Variants in ZMIZ1 observed in about 807,000 individuals in gnomAD.
ZMIZ1 encodes the protein zinc finger MIZ-type containing 1.
A neutral mutation model predicts 113.9 loss-of-function variants in ZMIZ1; 17 were observed. The observed-to-expected ratio is 0.15, with a 90% CI of 0.10 to 0.22. The LOEUF is 0.22. Ranked by LOEUF, ZMIZ1 falls within the 10% of genes least tolerant of loss-of-function variation. ZMIZ1 has a pLI of 1.00. For synonymous variants in ZMIZ1, 607 were observed against 603.1 expected (o/e 1.01, Z -0.09); for missense variants, 1,059 against 1,477.8 (o/e 0.72, Z 4.65).
intron 2 of ZMIZ1, 96 bp downstream of exon 2, chr10:79,119,120 G>A (rs1020698751): frequency 2.0e-5 from 3 of 152,264 alleles, no homozygotes; most frequent in African/African-American, 7.2e-5. Context: ...GCTGTTTCAG[G>A]GGCCCAGAGG....
chr10:79,286,273 CT>C (rs147123010), intron 8 of ZMIZ1, among the ~76,000 whole-genome samples: 217 of 152,368 alleles, frequency 1.4e-3, no homozygotes, highest in African/African-American at 5.0e-3. Flanking sequence ...CAGGGGTCTG[CT>C]TGGTCCTTCA....
At chr10:79,169,879 C>T (rs1846528173) in intron 4 of ZMIZ1, among the ~76,000 whole-genome samples, 1 of 152,242 alleles carries the variant, frequency 6.6e-6, no homozygotes, top group African/African-American at 2.4e-5. Flanking sequence ...AGATACCTCC[C>T]ACCCCTCAAA....
rs1849065437 is a variant in ZMIZ1 at position 79,223,337 on chromosome 10, ATGCCAGCCGCCT to A, written c.280+7064_280+7075del. Among the ~76,000 whole-genome samples the A allele has an allele frequency of 7.9e-5, 12 of 152,354 alleles. No homozygotes were observed. In the South Asian group the frequency reaches 2.5e-3, roughly 32 times the overall value. On this transcript the variant is annotated intron_variant, in intron 7 of 24. Transcript: ENST00000334512. ...AGGCAGGCAGGCCCTTGCCCTTGAA[ATGCCAGCCGCCT>A]GGCAGGCTGGGGCACCTTTTCAAGG...
intron 7 of ZMIZ1, among the ~76,000 whole-genome samples, chr10:79,261,347 C>G (rs1851257162): frequency 6.6e-6 from 1 of 152,202 alleles, no homozygotes; most frequent in African/African-American, 2.4e-5. Flanking sequence ...TTCATGGCCT[C>G]CATCAGAGGC....
At position 79,275,736 on chromosome 10, in the gene ZMIZ1, A is replaced by G. The variant is rs75995499; in HGVS notation, c.281-1445A>G. ...ACCTTCTGGTCCAGCCTCAGGCTCT[A>G]CCACCAGGGCATGGGGCCAGGAGCA... On this transcript the variant is annotated intron_variant, in intron 7 of 24. Coordinates refer to ENST00000334512, the MANE Select transcript of ZMIZ1 (RefSeq NM_020338.4). Among the ~76,000 whole-genome samples, 729 of 152,322 alleles carry G rather than the reference A, an allele frequency of 4.8e-3. 7 individuals are homozygous for G. The highest frequency in any genetic ancestry group is 0.017 in the African/African-American group (702 of 41,566).
At chr10:79,071,483 C>A (rs1175114255) in intron 1 of ZMIZ1, among the ~76,000 whole-genome samples, 2 of 152,196 alleles carry the variant, frequency 1.3e-5, no homozygotes, top group South Asian at 4.1e-4. Context: ...CGTTCGCTGG[C>A]GCTTGTACGG....
chr10:79,117,696 C>T (rs1022646652), intron 1 of ZMIZ1, among the ~76,000 whole-genome samples: 1 of 152,176 alleles, frequency 6.6e-6, no homozygotes, highest in South Asian at 2.1e-4. Flanking sequence ...AACTATTCTT[C>T]CAAGTGGTGG....
chr10:79,289,729 C>T (rs1853339351), intron 8 of ZMIZ1, 46 bp from the exon 9 acceptor site: 1 of 1,561,396 alleles, frequency 6.4e-7, no homozygotes, highest in Non-Finnish European at 8.8e-7. Context: ...TGTCTTGAGT[C>T]TGTGCCTGCC....
At chr10:79,121,741 T>TA (rs1844300109) in intron 2 of ZMIZ1, among the ~76,000 whole-genome samples, 1 of 152,050 alleles carries the variant, frequency 6.6e-6, no homozygotes, top group Non-Finnish European at 1.5e-5. Flanking sequence ...TAGGTACCAC[T>TA]ATGGAAGGAA....
intron 3 of ZMIZ1, among the ~76,000 whole-genome samples, chr10:79,149,519 G>A (rs964952898): frequency 6.6e-6 from 1 of 152,230 alleles, no homozygotes; most frequent in Non-Finnish European, 1.5e-5. Context: ...TGGAGGCCAT[G>A]GGTAGCCTTG....
chr10:79,282,718 G>A (rs1250573), intron 8 of ZMIZ1, among the ~76,000 whole-genome samples: 35,990 of 152,200 alleles, frequency 0.24, 5,291 homozygotes, highest in East Asian at 0.38. Context: ...GGGTCAGGCT[G>A]CCATAGCCCC....
At chr10:79,239,499 C>T (rs998337160) in intron 7 of ZMIZ1, among the ~76,000 whole-genome samples, 1 of 152,202 alleles carries the variant, frequency 6.6e-6, no homozygotes, top group East Asian at 1.9e-4. Flanking sequence ...GTGACATCTC[C>T]GAGTCATAGG....
chr10:79,111,389 CAG>C (rs1477764181), intron 1 of ZMIZ1, among the ~76,000 whole-genome samples: 2 of 152,168 alleles, frequency 1.3e-5, no homozygotes, highest in Non-Finnish European at 2.9e-5. Flanking sequence ...TCCAGAAGGA[CAG>C]AAGTGTGTGG....
chr10:79,311,161 G>C lies in ZMIZ1; in HGVS notation c.3073G>C (p.Asp1025His). ...TCAGGCCGGAGCGCAGGGAGCGTCC[G>C]ACATGCCGGAGCCTTCGCTGGATGT... ...EGQAGAQGASDMPEPSLDLLP... is the reference protein window; with the variant it reads ...EGQAGAQGASHMPEPSLDLLP... The change falls in exon 24 of 25, where the codon GAC becomes CAC. Residue 1025 changes from aspartate (D) to histidine (H), a missense_variant. By Grantham distance (81) the Asp-to-His change is moderately conservative. Around this residue, in one of 6 missense-constraint regions of ZMIZ1, gnomAD observed 225 missense variants for 276.0 expected, o/e 0.82. Transcript: ENST00000334512. 1 of 1,612,930 alleles carries C rather than the reference G, an allele frequency of 6.2e-7. No individual in the cohort carries two copies. The highest frequency in any genetic ancestry group is 8.5e-7 in the Non-Finnish European group (1 of 1,179,644).
intron 2 of ZMIZ1, among the ~76,000 whole-genome samples, chr10:79,132,527 T>C (rs1020256952): frequency 6.6e-6 from 1 of 152,188 alleles, no homozygotes; most frequent in African/African-American, 2.4e-5. Context: ...CCTAAAAGTT[T>C]GGACAACCCA....
intron 7 of ZMIZ1, among the ~76,000 whole-genome samples, chr10:79,263,307 A>G (rs1851380079): frequency 6.6e-6 from 1 of 152,224 alleles, no homozygotes; most frequent in Non-Finnish European, 1.5e-5. Flanking sequence ...AGTTTCTTGC[A>G]TCAGGAACCT....
At chr10:79,133,627 TGGGG>T (rs1844867343) in intron 2 of ZMIZ1, among the ~76,000 whole-genome samples, 1 of 152,106 alleles carries the variant, frequency 6.6e-6, no homozygotes, top group Non-Finnish European at 1.5e-5. Flanking sequence ...AATAGACACA[TGGGG>T]ACCTTGGTAG....
intron 3 of ZMIZ1, among the ~76,000 whole-genome samples, chr10:79,144,113 G>A (rs1306372134): frequency 2.0e-5 from 3 of 152,152 alleles, no homozygotes; most frequent in Non-Finnish European, 4.4e-5. Context: ...CGGAGGGGAC[G>A]AGTAATCCCG....
In ZMIZ1 at chr10:79,238,439, G is replaced by A. The variant is rs11597759; in HGVS notation, c.280+22165G>A. ...AGGCATGGAGGTCTCACTGTGCATC[G>A]TGTCCCTGTCCCCCACTCAGGTGGA... On this transcript the variant is annotated intron_variant, in intron 7 of 24. Transcript: ENST00000334512. Among the ~76,000 whole-genome samples the A allele has an allele frequency of 8.7e-3, 1,321 of 152,292 alleles. 16 individuals are homozygous for A. Among genetic ancestry groups the A allele is most frequent in the South Asian group, 0.027 (132 of 4,820 alleles).
Sources: allele counts gnomAD v4.1 joint callset (sites outside exome capture counted in the v4.1 genomes callset), GRCh38; gene constraint gnomAD v4.1.1; regional missense constraint gnomAD v4.1.1; transcripts MANE v1.5; gene names NCBI Gene and HGNC (gene_info 2026-07-23, HGNC 2026-07-21).